Variants in P3H2 observed in about 807,000 individuals in gnomAD.
The protein encoded by P3H2 is prolyl 3-hydroxylase 2.
A neutral mutation model predicts 87.0 loss-of-function variants in P3H2; 80 were observed. The ratio of observed to expected loss-of-function variants is 0.92; its 90% confidence interval spans 0.77 to 1.11. The LOEUF is 1.11. Among genes scored for constraint, P3H2 ranks in the 50% least tolerant of loss-of-function variants. The pLI, the probability that P3H2 is intolerant of heterozygous loss-of-function variation, is 0.00. For synonymous variants in P3H2, 367 were observed against 359.3 expected (o/e 1.02, Z -0.24); for missense variants, 1,001 against 923.9 (o/e 1.08, Z -1.08).
chr3:189,989,123 T>C (rs1723799115), intron 3 of P3H2, 85 bp from the exon 4 acceptor site: 1 of 1,512,062 alleles, frequency 6.6e-7, no homozygotes, highest in African/African-American at 1.4e-5. Flanking sequence ...ACACAGGTCA[T>C]TCCTCACCTC....
At chr3:190,120,194 T>C (rs1712484024) in intron 1 of P3H2, 58 bp downstream of exon 1, 1 of 1,576,774 alleles carries the variant, frequency 6.3e-7, no homozygotes, top group Non-Finnish European at 8.6e-7. Context: ...CAGGGAGGGC[T>C]CAAGAGAGCG....
At chr3:190,083,201 T>C (rs1246259818) in intron 1 of P3H2, among the ~76,000 whole-genome samples, 1 of 152,146 alleles carries the variant, frequency 6.6e-6, no homozygotes, top group Non-Finnish European at 1.5e-5. Flanking sequence ...CAAGAAGACA[T>C]ATGGTCTGAA....
chr3:190,006,805 T>C (rs189872334), intron 1 of P3H2, among the ~76,000 whole-genome samples: 1 of 152,314 alleles, frequency 6.6e-6, no homozygotes, highest in East Asian at 1.9e-4. Context: ...CTCAGATCTA[T>C]TTATAAGATA....
intron 1 of P3H2, among the ~76,000 whole-genome samples, chr3:190,053,527 G>A (rs942110332): frequency 8.9e-5 from 13 of 146,786 alleles, no homozygotes; most frequent in African/African-American, 2.8e-4. Flanking sequence ...GCACAATCTC[G>A]GCTCACTGTA....
At chr3:189,994,756 TAA>T (rs11417825) in intron 2 of P3H2, among the ~76,000 whole-genome samples, 2 of 141,950 alleles carry the variant, frequency 1.4e-5, no homozygotes, top group South Asian at 2.2e-4. Flanking sequence ...TGTCAAAAAT[TAA>T]AAAAAAAAAA....
rs528745940 is a variant in P3H2, at chr3:190,040,539, T to C, written c.481-45097A>G. ...AGATATACGACTAAAAATGTTCATA[T>C]TCATCACCTAAGGAAGGTAATGCTT... On this transcript the variant is annotated intron_variant, in intron 1 of 14. Coordinates refer to ENST00000319332, the MANE Select transcript of P3H2 (RefSeq NM_018192.4). 6.6e-5 allele frequency among the ~76,000 whole-genome samples: 10 copies of C among 152,308 alleles called. No individual in the cohort carries two copies. In the East Asian group the frequency reaches 1.9e-3, roughly 29 times the overall value.
intron 1 of P3H2, among the ~76,000 whole-genome samples, chr3:190,119,514 T>G (rs1031298857): frequency 2.6e-5 from 4 of 152,118 alleles, no homozygotes; most frequent in African/African-American, 9.7e-5. Flanking sequence ...GACGCTAACT[T>G]TAGGCAAGTT....
At chr3:189,959,688 GCTTT>G (rs1468516898) in intron 14 of P3H2, among the ~76,000 whole-genome samples, 1 of 151,806 alleles carries the variant, frequency 6.6e-6, no homozygotes, top group Admixed American at 6.6e-5. Context: ...TATATTCTAC[GCTTT>G]CTTTTATTCC....
At chr3:190,113,076 T>C (rs777622471) in intron 1 of P3H2, among the ~76,000 whole-genome samples, 5 of 152,228 alleles carry the variant, frequency 3.3e-5, no homozygotes, top group African/African-American at 1.2e-4. Flanking sequence ...ATGTGTCTTA[T>C]GTCCACTTTG....
In P3H2 at chr3:190,014,717, G is replaced by A. The variant is rs538435349; in HGVS notation, c.481-19275C>T. Reference sequence around the variant, plus strand: ...CTTCTTTGCCGCTCTTGGTGGCCTCGTGGCTTCTCTAATTCCCTGGCCTTA... The same window carrying A: ...CTTCTTTGCCGCTCTTGGTGGCCTCATGGCTTCTCTAATTCCCTGGCCTTA... On this transcript the variant is annotated intron_variant, in intron 1 of 14. Transcript: ENST00000319332. 4.6e-3 allele frequency among the ~76,000 whole-genome samples: 693 copies of A among 152,198 alleles called. 5 individuals carry two copies. Among genetic ancestry groups the A allele is most frequent in the African/African-American group, 0.016 (666 of 41,532 alleles).
chr3:190,072,407 TCAGA>T (rs1278926882), intron 1 of P3H2, among the ~76,000 whole-genome samples: 1 of 152,194 alleles, frequency 6.6e-6, no homozygotes, highest in Non-Finnish European at 1.5e-5. Context: ...GCTCTAGGAA[TCAGA>T]CAATCTCGTC....
chr3:189,985,957 G>C (rs1723681590), intron 6 of P3H2, among the ~76,000 whole-genome samples: 1 of 151,972 alleles, frequency 6.6e-6, no homozygotes, highest in Admixed American at 6.6e-5. Flanking sequence ...CTTCTTAAAA[G>C]AATACAAATC....
chr3:190,054,766 C>T (rs977179518), intron 1 of P3H2, among the ~76,000 whole-genome samples: 9 of 152,114 alleles, frequency 5.9e-5, no homozygotes, highest in African/African-American at 2.2e-4. Flanking sequence ...TCAGGCACTG[C>T]CCCCATCCCC....
intron 7 of P3H2, chr3:189,983,606 T>A (rs1255254766): frequency 6.4e-6 from 1 of 155,194 alleles, no homozygotes; most frequent in Non-Finnish European, 1.4e-5. Context: ...GATAGCAGGC[T>A]GTTCTTTATA....
At chr3:190,088,724 C>G (rs1211311668) in intron 1 of P3H2, among the ~76,000 whole-genome samples, 1 of 152,022 alleles carries the variant, frequency 6.6e-6, no homozygotes, top group Non-Finnish European at 1.5e-5. Flanking sequence ...GACCCTTGTA[C>G]TTGATTTTCT....
chr3:189,996,004 T>C (rs1724041603), intron 1 of P3H2, among the ~76,000 whole-genome samples: 1 of 152,172 alleles, frequency 6.6e-6, no homozygotes, highest in Admixed American at 6.5e-5. Flanking sequence ...TTATACACTG[T>C]TGGTAGGAAT....
chr3:190,028,554 C>T (rs897483342), intron 1 of P3H2, among the ~76,000 whole-genome samples: 13 of 152,304 alleles, frequency 8.5e-5, no homozygotes, highest in Middle Eastern at 6.8e-3. Flanking sequence ...GAAGCCACAA[C>T]TTAGACCAAT....
intron 1 of P3H2, among the ~76,000 whole-genome samples, chr3:190,042,194 T>C (rs914611327): frequency 3.3e-5 from 5 of 152,186 alleles, no homozygotes; most frequent in Non-Finnish European, 5.9e-5. Flanking sequence ...CTAATAGACA[T>C]GAATAGGAAG....
chr3:189,966,116 AG>A (rs1429802096), intron 13 of P3H2, among the ~76,000 whole-genome samples: 32 of 108,244 alleles, frequency 3.0e-4, no homozygotes, highest in African/African-American at 1.3e-3. Flanking sequence ...AAAGAAAGAA[AG>A]AAAGAAAAAG....
Sources: gnomAD v4.1 joint callset for allele counts (sites outside exome capture counted in the v4.1 genomes callset) on GRCh38, gnomAD v4.1.1 for gene constraint, MANE v1.5 for transcripts, NCBI Gene and HGNC (gene_info 2026-07-23, HGNC 2026-07-21) for gene names.